Variants in MARK1 observed in about 807,000 individuals in gnomAD.
MARK1 encodes microtubule affinity regulating kinase 1.
Under a neutral mutation model 96.3 loss-of-function variants are expected in MARK1, and 40 were observed. The ratio of observed to expected loss-of-function variants is 0.42; its 90% CI spans 0.32 to 0.54. The LOEUF (loss-of-function observed/expected upper bound fraction) is 0.54. MARK1 is among the 20% of genes least tolerant of loss of function. The pLI is 0.16. For missense variants in MARK1, 719 were observed against 984.6 expected, an observed-to-expected ratio of 0.73 and a Z score of 3.61; for synonymous variants, 317 against 341.2, an observed-to-expected ratio of 0.93 and a Z score of 0.78.
intron 13 of MARK1, among the ~76,000 whole-genome samples, chr1:220,642,279 G>A (rs1003231124): frequency 6.6e-6 from 1 of 152,180 alleles, no homozygotes; most frequent in Non-Finnish European, 1.5e-5. Context: ...TGCAGCTCTA[G>A]TCAGTGATTT....
At chr1:220,598,219 A>T in intron 3 of MARK1, 112 bp from the exon 4 acceptor site, 1 of 383,230 alleles carries the variant, frequency 2.6e-6, no homozygotes, top group Non-Finnish European at 5.3e-6. Flanking sequence ...GCATTGCCAG[A>T]ATCCTGTAGC....
At chr1:220,558,013 C>T (rs952639973) in intron 1 of MARK1, among the ~76,000 whole-genome samples, 1 of 151,884 alleles carries the variant, frequency 6.6e-6, no homozygotes, top group African/African-American at 2.4e-5. Flanking sequence ...ACCTGTACTC[C>T]CAGCTGCTCA....
Position 220,632,628 on chromosome 1 carries a change from C to T in MARK1, c.1122+315C>T, listed in dbSNP as rs548840734. Among the ~76,000 whole-genome samples, 28 of 152,194 alleles carry T rather than the reference C, an allele frequency of 1.8e-4. No homozygotes were observed. In the South Asian group the frequency reaches 3.1e-3, roughly 17 times the overall value. On this transcript the variant is annotated intron_variant, in intron 11 of 17. Coordinates refer to ENST00000366917, the MANE Select transcript of MARK1 (RefSeq NM_018650.5). ...CCCACCAAAGGTAATATGGTTATTC[C>T]AAGTGTGCAGAAAAGACAGTGAGTG...
chr1:220,573,582 C>T (rs529554429), intron 1 of MARK1, among the ~76,000 whole-genome samples: 5 of 152,178 alleles, frequency 3.3e-5, no homozygotes, highest in East Asian at 1.9e-4. Flanking sequence ...CTCAGCCTCC[C>T]GAAGTGCTGG....
At chr1:220,638,364 A>G (rs879633612) in intron 13 of MARK1, among the ~76,000 whole-genome samples, 6 of 152,172 alleles carry the variant, frequency 3.9e-5, no homozygotes, top group Non-Finnish European at 8.8e-5. Context: ...TTCCATTTCC[A>G]TAGATCATTT....
chr1:220,541,672 G>T (rs911659241), intron 1 of MARK1, among the ~76,000 whole-genome samples: 2 of 152,076 alleles, frequency 1.3e-5, no homozygotes, highest in African/African-American at 4.8e-5. Flanking sequence ...TTTGTCTGTT[G>T]TGACAGTTTT....
intron 9 of MARK1, among the ~76,000 whole-genome samples, chr1:220,624,133 A>G (rs763275827): frequency 7.2e-5 from 11 of 151,864 alleles, no homozygotes; most frequent in Non-Finnish European, 1.3e-4. Context: ...CCCCGTCTCT[A>G]CTAAAAATAC....
In MARK1 at chr1:220,580,135, T is replaced by A. The variant is rs184105647; in HGVS notation, c.255+578T>A. On this transcript the variant is annotated intron_variant, in intron 2 of 17. Coordinates refer to ENST00000366917, the MANE Select transcript of MARK1 (RefSeq NM_018650.5). ...TACAGACTTTATTTGAATAAATGTG[T>A]AACATTTTGTATTATATAACGTTTA... Among the ~76,000 whole-genome samples, 4 of 152,238 alleles carry A rather than the reference T, an allele frequency of 2.6e-5. No homozygotes were observed. In the East Asian group the frequency reaches 5.8e-4, roughly 22 times the overall value.
intron 9 of MARK1, among the ~76,000 whole-genome samples, chr1:220,622,728 C>G (rs1390283734): frequency 6.6e-6 from 1 of 152,070 alleles, no homozygotes; most frequent in Non-Finnish European, 1.5e-5. Flanking sequence ...AAAACCCTGT[C>G]TCTACATTAG....
In MARK1 at chr1:220,577,034, G is replaced by A. The variant is rs547210490; in HGVS notation, c.52-2320G>A. On this transcript the variant is annotated intron_variant, in intron 1 of 17. Coordinates refer to ENST00000366917, the MANE Select transcript of MARK1 (RefSeq NM_018650.5). ...GCACTTTGGGAGGCTGAGGTGGGAG[G>A]ATTGCTTGAGCCCAGGAGTTTGAGA... Among the ~76,000 whole-genome samples, 7 of 152,212 alleles carry A rather than the reference G, an allele frequency of 4.6e-5. No homozygotes were observed. In the South Asian group the frequency reaches 1.5e-3, roughly 32 times the overall value.
At chr1:220,602,336 C>T (rs886767131) in intron 5 of MARK1, among the ~76,000 whole-genome samples, 4 of 152,118 alleles carry the variant, frequency 2.6e-5, no homozygotes, top group African/African-American at 9.7e-5. Context: ...TTCTTTCAAA[C>T]AACATTTATA....
At chr1:220,566,457 G>A (rs1186030596) in intron 1 of MARK1, among the ~76,000 whole-genome samples, 1 of 152,144 alleles carries the variant, frequency 6.6e-6, no homozygotes, top group Non-Finnish European at 1.5e-5. Context: ...GAAAACATTT[G>A]TACTTGAAAC....
chr1:220,541,047 C>T (rs1330264321), intron 1 of MARK1, among the ~76,000 whole-genome samples: 3 of 152,074 alleles, frequency 2.0e-5, no homozygotes, highest in African/African-American at 7.2e-5. Context: ...GATTCTCTGC[C>T]TCAGCCTCCT....
intron 13 of MARK1, among the ~76,000 whole-genome samples, chr1:220,636,902 A>T (rs1247534107): frequency 7.4e-6 from 1 of 136,044 alleles, no homozygotes. Flanking sequence ...GACTCCGTTT[A>T]AAAAAAAAAA....
At chr1:220,560,399 C>T (rs2102774102) in intron 1 of MARK1, among the ~76,000 whole-genome samples, 1 of 152,294 alleles carries the variant, frequency 6.6e-6, no homozygotes, top group Admixed American at 6.5e-5. Flanking sequence ...ATCTTAATTG[C>T]CTCAGCATGG....
In MARK1 at chr1:220,645,563, G is replaced by A. The variant is rs1301978550; in HGVS notation, c.1471-5057G>A. On this transcript the variant is annotated intron_variant, in intron 13 of 17. Coordinates refer to ENST00000366917, the MANE Select transcript of MARK1 (RefSeq NM_018650.5). ...GAGGGACTCCTCCCTGACTCATTCT[G>A]TGAGGCCAACATCATCCTGATACCA... 4.6e-5 allele frequency among the ~76,000 whole-genome samples: 7 copies of A among 152,232 alleles called. 1 individual carries two copies. The East Asian group carries it at 1.3e-3, about 29-fold the overall frequency.
chr1:220,577,272 G>GA lies in MARK1; in HGVS notation c.52-2071dup, dbSNP rs35299453. The stretch of plus-strand genomic sequence containing the variant: ...ACAGATCAAGACCCTGTCTCAGGAA[G>GA]AAAAAAAAAAAGATACATCTTGAAG... On this transcript the variant is annotated intron_variant, in intron 1 of 17. Coordinates refer to ENST00000366917, the MANE Select transcript of MARK1 (RefSeq NM_018650.5). Among the ~76,000 whole-genome samples the GA allele has an allele frequency of 5.5e-4, 83 of 149,824 alleles. 1 individual carries two copies. The highest frequency in any genetic ancestry group is 1.8e-3 in the African/African-American group (73 of 40,626).
chr1:220,651,705 T>A (rs1387408236), intron 14 of MARK1, among the ~76,000 whole-genome samples: 1 of 152,164 alleles, frequency 6.6e-6, no homozygotes, highest in East Asian at 1.9e-4. Context: ...CTATCGTATA[T>A]CCACAAAAAT....
Position 220,661,798 on chromosome 1 carries a change from C to T in MARK1, c.2034-14C>T. On this transcript the variant is annotated splice_polypyrimidine_tract_variant and intron_variant, in intron 17 of 17. Transcript: ENST00000366917. Reference sequence around the variant, plus strand: ...TATTTGCTTTCATTCTTTCCCTTTGCCCTCTTGTTCCAGAAGTACATCAGG... The same window carrying T: ...TATTTGCTTTCATTCTTTCCCTTTGTCCTCTTGTTCCAGAAGTACATCAGG... 6.4e-7 allele frequency: 1 copy of T among 1,562,258 alleles called. No individual in the cohort carries two copies. The highest frequency in any genetic ancestry group is 8.7e-7 in the Non-Finnish European group (1 of 1,144,598).
Sources: allele counts gnomAD v4.1 joint callset (sites outside exome capture counted in the v4.1 genomes callset), GRCh38; gene constraint gnomAD v4.1.1; transcripts MANE v1.5; gene names NCBI Gene and HGNC (gene_info 2026-07-23, HGNC 2026-07-21).